The following LUC7L variants were observed in gnomAD, a reference collection of about 807,000 sequenced individuals.
The protein encoded by LUC7L is putative RNA-binding protein Luc7-like 1.
In LUC7L, 29 loss-of-function variants were observed where a neutral mutation model predicts 51.1. The observed-to-expected ratio is 0.57, with a 90% CI of 0.42 to 0.77. The LOEUF (loss-of-function observed/expected upper bound fraction) is 0.77, where lower values mean the gene tolerates loss of function less well. Among genes scored for constraint, LUC7L ranks in the 30% least tolerant of loss-of-function variants. The probability of loss-of-function intolerance (pLI) is 0.00; values close to 1 mark genes in which losing one functional copy is unlikely to be tolerated. For synonymous variants in LUC7L, 181 were observed against 180.7 expected (o/e 1.00, Z -0.01); for missense variants, 403 against 511.9 (o/e 0.79, Z 2.05).
intron 5 of LUC7L, among the ~76,000 whole-genome samples, chr16:204,526 G>A (rs1442185346): frequency 6.6e-6 from 1 of 151,658 alleles, no homozygotes; most frequent in Non-Finnish European, 1.5e-5. Flanking sequence ...CCGAGGAAGC[G>A]GAGCTTGCAG....
At chr16:218,685 C>A (rs2049879581) in intron 3 of LUC7L, among the ~76,000 whole-genome samples, 1 of 151,912 alleles carries the variant, frequency 6.6e-6, no homozygotes, top group African/African-American at 2.4e-5. Flanking sequence ...TGCGCCACTG[C>A]ATTCCAGCTT....
At chr16:221,440 G>A (rs576031975) in intron 2 of LUC7L, among the ~76,000 whole-genome samples, 410 of 152,076 alleles carry the variant, frequency 2.7e-3, no homozygotes, top group African/African-American at 8.2e-3. Flanking sequence ...GGTGGCTCAC[G>A]CCTGTAATCC....
At chr16:212,581 C>T (rs1226859173) in intron 3 of LUC7L, among the ~76,000 whole-genome samples, 1 of 152,104 alleles carries the variant, frequency 6.6e-6, no homozygotes, top group Non-Finnish European at 1.5e-5. Context: ...AACTGTAAGA[C>T]AGGAAAACTA....
At chr16:213,122 T>C (rs1417944996) in intron 3 of LUC7L, among the ~76,000 whole-genome samples, 1 of 152,122 alleles carries the variant, frequency 6.6e-6, no homozygotes, top group Non-Finnish European at 1.5e-5. Context: ...AGTTTACAAG[T>C]TGAGAAACTT....
chr16:228,892 A>G (rs1027351488), intron 1 of LUC7L: 2 of 1,331,324 alleles, frequency 1.5e-6, no homozygotes, highest in Non-Finnish European at 2.0e-6. Flanking sequence ...CTTCTTCCCA[A>G]GGAGCCTCGG....
intron 5 of LUC7L, among the ~76,000 whole-genome samples, chr16:202,418 G>A (rs2049360287): frequency 6.6e-6 from 1 of 152,084 alleles, no homozygotes. Flanking sequence ...ATGAGATTTG[G>A]ACGTGCCACA....
intron 5 of LUC7L, among the ~76,000 whole-genome samples, chr16:200,091 C>A (rs954500506): frequency 6.6e-6 from 1 of 152,008 alleles, no homozygotes; most frequent in African/African-American, 2.4e-5. Flanking sequence ...GAGTTCAAGA[C>A]GAGCCTGGCA....
At chr16:212,175 C>T (rs549742048) in intron 3 of LUC7L, among the ~76,000 whole-genome samples, 2 of 152,244 alleles carry the variant, frequency 1.3e-5, no homozygotes, top group East Asian at 3.9e-4. Context: ...TGCCTGTAAT[C>T]CCAACTACTC....
chr16:210,820 G>GACCA, intron 3 of LUC7L, among the ~76,000 whole-genome samples: 1 of 152,124 alleles, frequency 6.6e-6, no homozygotes, highest in East Asian at 1.9e-4. Context: ...GGGAGGCTGA[G>GACCA]GTGGGCGGAT....
Position 206,116 on chromosome 16 carries a change from A to G in LUC7L, c.398T>C (p.Ile133Thr), listed in dbSNP as rs2049477028. Reference sequence around the variant, plus strand: ...TTCGGCTTTAGCAAGGAGTTTTCCTATTTCTTCATTTAACTCATGTACTTT... The same window carrying G: ...TTCGGCTTTAGCAAGGAGTTTTCCTGTTTCTTCATTTAACTCATGTACTTT... ...AEKVHELNEEIGKLLAKAEQL... is the reference protein window; with the variant it reads ...AEKVHELNEETGKLLAKAEQL... The change falls in exon 5 of 10, where the codon ATA (isoleucine) becomes ACA (threonine). Residue 133 changes from isoleucine to threonine, a missense_variant. Physicochemically the swap from Ile to Thr is moderately conservative, Grantham distance 89. Coordinates refer to ENST00000293872, the MANE Select transcript of LUC7L (RefSeq NM_201412.3). 6.2e-7 allele frequency: 1 copy of G among 1,613,580 alleles called. No homozygotes were observed. Among genetic ancestry groups the G allele is most frequent in the East Asian group, 2.2e-5 (1 of 44,864 alleles).
At chr16:223,477 T>G (rs1423337660) in intron 2 of LUC7L, among the ~76,000 whole-genome samples, 1 of 152,214 alleles carries the variant, frequency 6.6e-6, no homozygotes, top group Admixed American at 6.6e-5. Flanking sequence ...GTCTGCCTTG[T>G]ATGGTGATGT....
chr16:207,610 G>A (rs992042829), intron 4 of LUC7L, among the ~76,000 whole-genome samples: 1 of 152,180 alleles, frequency 6.6e-6, no homozygotes, highest in African/African-American at 2.4e-5. Flanking sequence ...AGCTCCTGAG[G>A]GATGAGAATT....
intron 5 of LUC7L, among the ~76,000 whole-genome samples, chr16:203,885 AC>A (rs1219925300): frequency 6.6e-6 from 1 of 151,896 alleles, no homozygotes; most frequent in Non-Finnish European, 1.5e-5. Flanking sequence ...GTATGGTGGC[AC>A]ACGCCTATAG....
intron 7 of LUC7L, among the ~76,000 whole-genome samples, chr16:191,758 TCGCTTGAACCCAGGGGGTGGAG>T (rs1483302781): frequency 6.6e-6 from 1 of 152,158 alleles, no homozygotes; most frequent in African/African-American, 2.4e-5. Flanking sequence ...GGCAGGAGAC[TCGCTTGAACCCAGGGGGTGGAG>T]GCTGCAGTGA....
At chr16:203,379 G>C (rs2049387269) in intron 5 of LUC7L, among the ~76,000 whole-genome samples, 1 of 152,004 alleles carries the variant, frequency 6.6e-6, no homozygotes, top group Non-Finnish European at 1.5e-5. Context: ...CCTTCTATGG[G>C]GACATTACCA....
chr16:191,387 A>C (rs1313611447), intron 7 of LUC7L, among the ~76,000 whole-genome samples: 2 of 152,246 alleles, frequency 1.3e-5, no homozygotes, highest in Non-Finnish European at 2.9e-5. Flanking sequence ...CTATGCCCGT[A>C]AGCCATTAAG....
chr16:218,657 G>A (rs1207983454), intron 3 of LUC7L, among the ~76,000 whole-genome samples: 2 of 152,058 alleles, frequency 1.3e-5, no homozygotes, highest in South Asian at 2.1e-4. Context: ...GGAGGCGGAG[G>A]TTGCAATGAG....
At chr16:202,011 T>C (rs1355768109) in intron 5 of LUC7L, among the ~76,000 whole-genome samples, 1 of 152,094 alleles carries the variant, frequency 6.6e-6, no homozygotes, top group African/African-American at 2.4e-5. Flanking sequence ...CCCAAAGTGC[T>C]GGGATTACAG....
Position 229,239 on chromosome 16 carries a change from C to A in LUC7L, c.61+40G>T. On this transcript the variant is annotated intron_variant, in intron 1 of 9. Transcript: ENST00000293872. ...GGCCGCCCGGCGGCCTCGCCTCACT[C>A]CCACCCCAGACCCTCGCCTGGTTGG... The A allele has an allele frequency of 2.0e-6, 3 of 1,522,112 alleles. No individual in the cohort carries two copies. The South Asian group carries it at 3.6e-5, about 18-fold the overall frequency. 94.3% of individuals were successfully genotyped at this position (1,522,112 alleles called of 1,614,324 possible). A position where few individuals can be genotyped will look rare whatever the true frequency, so the allele number is the denominator to read the frequency against.
Sources: gnomAD v4.1 joint callset for allele counts (sites outside exome capture counted in the v4.1 genomes callset) on GRCh38, gnomAD v4.1.1 for gene constraint, MANE v1.5 for transcripts, NCBI Gene and HGNC (gene_info 2026-07-23, HGNC 2026-07-21) for gene names.